KCNK10: variants seen among roughly 807,000 people sequenced by gnomAD.
The protein encoded by KCNK10 is potassium channel subfamily K member 10.
A neutral mutation model predicts 47.7 loss-of-function variants in KCNK10; 25 were observed. That is an observed-to-expected ratio of 0.52 (90% CI 0.38 to 0.73). The LOEUF (loss-of-function observed/expected upper bound fraction) is 0.73. Ranked by LOEUF, KCNK10 falls within the 30% of genes least tolerant of loss-of-function variation. The probability of loss-of-function intolerance (pLI) is 0.00; values close to 1 mark genes in which losing one functional copy is unlikely to be tolerated. For synonymous variants in KCNK10, 303 were observed against 285.6 expected (o/e 1.06, Z -0.61); for missense variants, 563 against 714.5 (o/e 0.79, Z 2.42).
At chr14:88,269,576 A>G (rs1005925113) in intron 1 of KCNK10, among the ~76,000 whole-genome samples, 3 of 152,026 alleles carry the variant, frequency 2.0e-5, no homozygotes, top group Non-Finnish European at 4.4e-5. Context: ...AGCTAGGACC[A>G]CAGATATATG....
At chr14:88,268,755 A>G (rs1323624665) in intron 1 of KCNK10, among the ~76,000 whole-genome samples, 1 of 152,256 alleles carries the variant, frequency 6.6e-6, no homozygotes, top group African/African-American at 2.4e-5. Context: ...CACACTTCAC[A>G]GCTCCAACAG....
chr14:88,229,867 G>A (rs776503016), intron 3 of KCNK10, among the ~76,000 whole-genome samples: 8 of 152,114 alleles, frequency 5.3e-5, no homozygotes, highest in Admixed American at 1.3e-4. Context: ...GTTACACCCC[G>A]CCTCTCTGAC....
intron 1 of KCNK10, among the ~76,000 whole-genome samples, chr14:88,285,044 A>G (rs529271556): frequency 1.2e-4 from 19 of 152,370 alleles, no homozygotes; most frequent in Admixed American, 5.2e-4. Flanking sequence ...GTTCCTGAAC[A>G]TTAAATGCAA....
chr14:88,294,434 C>T (rs1265573327), intron 1 of KCNK10, among the ~76,000 whole-genome samples: 1 of 152,252 alleles, frequency 6.6e-6, no homozygotes, highest in Admixed American at 6.5e-5. Context: ...AAGAACTATG[C>T]AGTCCTGGAT....
intron 1 of KCNK10, among the ~76,000 whole-genome samples, chr14:88,289,855 C>A (rs367723202): frequency 2.0e-5 from 3 of 152,194 alleles, no homozygotes; most frequent in East Asian, 3.9e-4. Context: ...CAATGCCTGG[C>A]ACATAGTAAA....
chr14:88,238,157 C>T (rs1886348954), intron 3 of KCNK10, among the ~76,000 whole-genome samples: 1 of 152,230 alleles, frequency 6.6e-6, no homozygotes, highest in African/African-American at 2.4e-5. Context: ...CCTCTGCTAG[C>T]TTCAAACTTT....
rs190011826 is a variant in KCNK10 at position 88,196,763 on chromosome 14, C to T, written c.682-4353G>A. 2.8e-3 allele frequency among the ~76,000 whole-genome samples: 431 copies of T among 152,278 alleles called. 2 individuals are homozygous for T. The highest frequency in any genetic ancestry group is 0.01 in the African/African-American group (421 of 41,554). On this transcript the variant is annotated intron_variant, in intron 4 of 6. Coordinates refer to ENST00000319231, the MANE Select transcript of KCNK10 (RefSeq NM_138317.3). ...ATGCAAACACATCACCATAGTAATA[C>T]ATCTGAACTGAGGATAATTTCTCAA...
At chr14:88,258,419 T>C (rs1205670159) in intron 2 of KCNK10, among the ~76,000 whole-genome samples, 1 of 151,792 alleles carries the variant, frequency 6.6e-6, no homozygotes, top group African/African-American at 2.4e-5. Context: ...GCCTCCTGAG[T>C]GGCTGGGATT....
At chr14:88,285,085 C>T (rs898695789) in intron 1 of KCNK10, among the ~76,000 whole-genome samples, 1 of 152,160 alleles carries the variant, frequency 6.6e-6, no homozygotes, top group Non-Finnish European at 1.5e-5. Context: ...ATTAAACTCA[C>T]TTTGTGTCTT....
intron 4 of KCNK10, among the ~76,000 whole-genome samples, chr14:88,195,399 A>G (rs1884878891): frequency 6.6e-6 from 1 of 152,258 alleles, no homozygotes; most frequent in Non-Finnish European, 1.5e-5. Flanking sequence ...ATGCTTGTTA[A>G]CAGGCCATTT....
At chr14:88,243,617 A>C (rs1477416526) in intron 2 of KCNK10, among the ~76,000 whole-genome samples, 1 of 152,180 alleles carries the variant, frequency 6.6e-6, no homozygotes, top group Admixed American at 6.5e-5. Flanking sequence ...ACCAAACTTC[A>C]CTTGGCTGTT....
chr14:88,292,126 A>G (rs1887892480), intron 1 of KCNK10, among the ~76,000 whole-genome samples: 1 of 152,200 alleles, frequency 6.6e-6, no homozygotes, highest in Non-Finnish European at 1.5e-5. Flanking sequence ...AAGAACCATA[A>G]GAAGCACCAG....
rs189011199 is a variant in KCNK10, at chr14:88,216,313, A to G, written c.681+11062T>C. 7.2e-5 allele frequency among the ~76,000 whole-genome samples: 11 copies of G among 152,332 alleles called. No individual in the cohort carries two copies. The East Asian group carries it at 1.2e-3, about 16-fold the overall frequency. On this transcript the variant is annotated intron_variant, in intron 4 of 6. Transcript: ENST00000319231. ...CAGGGGACCAGGGCATGCACCTGGT[A>G]GTCTTTGGGGCAATTGTCCCCTTAT...
In KCNK10 at chr14:88,310,242, A is replaced by T. The variant is rs1476190914; in HGVS notation, c.52+12505T>A. ...CATATGGTATATGATATACCATATA[A>T]ATGATATGCATTTATCATGGTATAT... On this transcript the variant is annotated intron_variant, in intron 1 of 6. Coordinates refer to ENST00000319231, the MANE Select transcript of KCNK10 (RefSeq NM_138317.3). Among the ~76,000 whole-genome samples, 580 of 141,874 alleles carry T rather than the reference A, an allele frequency of 4.1e-3. 5 individuals carry two copies. The highest frequency in any genetic ancestry group is 5.4e-3 in the African/African-American group (198 of 36,624). 93.1% of individuals were successfully genotyped at this position (141,874 alleles called of 152,430 possible).
intron 1 of KCNK10, among the ~76,000 whole-genome samples, chr14:88,266,792 C>T (rs530475414): frequency 6.6e-6 from 1 of 152,294 alleles, no homozygotes; most frequent in South Asian, 2.1e-4. Flanking sequence ...AGCTTAAAGC[C>T]TCATCAGCTG....
intron 1 of KCNK10, among the ~76,000 whole-genome samples, chr14:88,293,779 G>C (rs1008309258): frequency 1.3e-5 from 2 of 151,822 alleles, no homozygotes; most frequent in African/African-American, 2.4e-5. Flanking sequence ...GGGCTGAAGC[G>C]ATCCTCCTAC....
rs749799358 is a variant in KCNK10 at position 88,185,881 on chromosome 14, C to T, written c.1286G>A (p.Arg429His). ...ESINNRPNNL[R>H]LKGPEQLNKH... ...GTTCAGCTGCTCCGGCCCCTTCAGGCGCAGGTTGTTGGGCCGGTTGTTGAT... is the reference window on the plus strand; with the variant it reads ...GTTCAGCTGCTCCGGCCCCTTCAGGTGCAGGTTGTTGGGCCGGTTGTTGAT... The change falls in exon 7 of 7, where the codon CGC becomes CAC. Residue 429 changes from arginine to histidine, a missense_variant. Physicochemically the swap from Arg to His is conservative, Grantham distance 29. Coordinates refer to ENST00000319231, the MANE Select transcript of KCNK10 (RefSeq NM_138317.3). The surrounding 1 kb of genome is among the most constrained non-coding windows in gnomAD (Gnocchi z 4.3). The T allele has an allele frequency of 9.9e-6, 16 of 1,614,050 alleles. No individual in the cohort carries two copies. Among genetic ancestry groups the T allele is most frequent in the East Asian group, 2.2e-5 (1 of 44,856 alleles).
intron 2 of KCNK10, among the ~76,000 whole-genome samples, chr14:88,246,781 T>C (rs371848488): frequency 1.9e-3 from 285 of 152,348 alleles, no homozygotes; most frequent in African/African-American, 6.4e-3. Context: ...CCTTGCAAGC[T>C]GTTCAGCTTC....
intron 1 of KCNK10, among the ~76,000 whole-genome samples, chr14:88,274,299 C>T (rs1044564171): frequency 1.3e-5 from 2 of 151,930 alleles, no homozygotes; most frequent in Non-Finnish European, 2.9e-5. Context: ...TGTGGATCTA[C>T]AGATCCACAG....
Sources: allele counts gnomAD v4.1 joint callset (sites outside exome capture counted in the v4.1 genomes callset), GRCh38; gene constraint gnomAD v4.1.1; non-coding constraint Gnocchi (gnomAD v3.1); transcripts MANE v1.5; gene names NCBI Gene and HGNC (gene_info 2026-07-23, HGNC 2026-07-21).